TAF4: variants seen among roughly 807,000 people sequenced by gnomAD.
The protein encoded by TAF4 is transcription initiation factor TFIID subunit 4.
TAF4 carries 9 observed loss-of-function variants against 90.3 expected under a neutral mutation model. The ratio of observed to expected loss-of-function variants is 0.10; its 90% CI spans 0.06 to 0.17. The LOEUF (loss-of-function observed/expected upper bound fraction) is 0.17, where lower values mean the gene tolerates loss of function less well. TAF4 is among the 10% of genes least tolerant of loss of function. The pLI, the probability that TAF4 is intolerant of heterozygous loss-of-function variation, is 1.00. For missense variants in TAF4, 1,351 were observed against 1,370.7 expected (o/e 0.99, Z 0.23); for synonymous variants, 818 against 638.9 (o/e 1.28, Z -4.23).
intron 1 of TAF4, among the ~76,000 whole-genome samples, chr20:62,035,316 G>A (rs2055926333): frequency 6.6e-6 from 1 of 152,204 alleles, no homozygotes; most frequent in African/African-American, 2.4e-5. Flanking sequence ...GAATTAGTAT[G>A]GAGCTAAATT....
In TAF4 at chr20:61,982,461, C is replaced by G. The variant is rs114705276; in HGVS notation, c.3091-6126G>C. Among the ~76,000 whole-genome samples, 1,162 of 146,054 alleles carry G rather than the reference C, an allele frequency of 8.0e-3. 7 individuals are homozygous for G. Among genetic ancestry groups the G allele is most frequent in the South Asian group, 0.033 (146 of 4,448 alleles). Reference sequence around the variant, plus strand: ...CACCCACCCAAGAGGAAACACCAAACCCACACCCCACCCAAGAGGAGACAC... The same window carrying G: ...CACCCACCCAAGAGGAAACACCAAAGCCACACCCCACCCAAGAGGAGACAC... On this transcript the variant is annotated intron_variant, in intron 14 of 14. Transcript: ENST00000252996.
rs557849285 is a variant in TAF4 at position 62,064,413 on chromosome 20, G to A, written c.1360+38C>T. 4.9e-4 allele frequency: 625 copies of A among 1,282,648 alleles called. 5 individuals carry two copies. In the African/African-American group the frequency reaches 8.4e-3, roughly 17 times the overall value. 79.5% of individuals were successfully genotyped at this position (1,282,648 alleles called of 1,614,324 possible). A position where few individuals can be genotyped will look rare whatever the true frequency, so the allele number is the denominator to read the frequency against. On this transcript the variant is annotated intron_variant, in intron 1 of 14. Transcript: ENST00000252996. ...CTGGAACTGGCAGCTGGCGCTGCTG[G>A]GAGCCGCCCTTCCCTCCCGCCCCGT...
chr20:62,014,013 GGTGTGGGTGTGTGT>G (rs1392604871), intron 2 of TAF4, among the ~76,000 whole-genome samples: 1 of 122,418 alleles, frequency 8.2e-6, no homozygotes, highest in African/African-American at 4.1e-5. Flanking sequence ...CTGACGCGGG[GGTGTGGGTGTGTGT>G]GTGTGTGTGT....
chr20:62,060,152 T>C (rs968929188), intron 1 of TAF4, among the ~76,000 whole-genome samples: 1 of 152,218 alleles, frequency 6.6e-6, no homozygotes, highest in Admixed American at 6.5e-5. Context: ...GGGGCAGTCC[T>C]GGAAGCCAGG....
chr20:61,985,946 CCACCATCCCCGACCAAAGGAAG>C lies in TAF4; in HGVS notation c.3091-9633_3091-9612del, dbSNP rs1164385073. On this transcript the variant is annotated intron_variant, in intron 14 of 14. Transcript: ENST00000252996. ...GAAGCACCATCCCCGACCAAAGGAACCACCATCCCCGACCAAAGGAAGCACCATCCCCAATCAAAGGAAATAC... is the reference window on the plus strand; with the variant it reads ...GAAGCACCATCCCCGACCAAAGGAACCACCATCCCCAATCAAAGGAAATAC... 5.6e-4 allele frequency among the ~76,000 whole-genome samples: 62 copies of C among 111,038 alleles called. 1 individual carries two copies. Among genetic ancestry groups the C allele is most frequent in the African/African-American group, 2.0e-3 (57 of 28,022 alleles). The allele number at this position is 111,038 out of a possible 152,430, so 72.8% of individuals were successfully genotyped here. A position where few individuals can be genotyped will look rare whatever the true frequency, so the allele number is the denominator to read the frequency against.
At chr20:61,997,941 T>C (rs555519266) in intron 13 of TAF4, among the ~76,000 whole-genome samples, 195 bp downstream of exon 13, 1 of 152,358 alleles carries the variant, frequency 6.6e-6, no homozygotes, top group South Asian at 2.1e-4. Context: ...CACCGTTGAA[T>C]TTAAAAGTAG....
rs1332674343 is a variant in TAF4, at chr20:62,009,921, C to A, written c.1761+125G>T. 4.0e-6 allele frequency: 6 copies of A among 1,485,446 alleles called. No homozygotes were observed. The African/African-American group carries it at 8.3e-5, about 21-fold the overall frequency. 92.0% of individuals were successfully genotyped at this position (1,485,446 alleles called of 1,614,324 possible). A position where few individuals can be genotyped will look rare whatever the true frequency, so the allele number is the denominator to read the frequency against. On this transcript the variant is annotated intron_variant, in intron 4 of 14. Transcript: ENST00000252996. ...GCTCACGTGGGCCCCAGACTGTTCA[C>A]TGCTTTGTGAAGCAAGCAGTGAGCG...
chr20:61,996,920 G>A (rs1172098950), intron 14 of TAF4, among the ~76,000 whole-genome samples: 2 of 152,162 alleles, frequency 1.3e-5, no homozygotes, highest in East Asian at 1.9e-4. Flanking sequence ...AAGCCAAAAG[G>A]AAATGGTGGC....
chr20:61,992,557 G>C (rs2055637958), intron 14 of TAF4, among the ~76,000 whole-genome samples: 1 of 151,212 alleles, frequency 6.6e-6, no homozygotes, highest in Non-Finnish European at 1.5e-5. Flanking sequence ...CTACACCTCT[G>C]AATTTGAACT....
chr20:61,982,072 A>C (rs2055546781), intron 14 of TAF4, among the ~76,000 whole-genome samples: 1 of 89,168 alleles, frequency 1.1e-5, no homozygotes, highest in African/African-American at 4.3e-5. Flanking sequence ...CCCACACCCC[A>C]CCCGAGAGGA....
At chr20:61,983,981 C>T (rs989898057) in intron 14 of TAF4, among the ~76,000 whole-genome samples, 12 of 152,134 alleles carry the variant, frequency 7.9e-5, no homozygotes, top group Admixed American at 2.6e-4. Context: ...AGATATGACA[C>T]GTGGATATTT....
intron 1 of TAF4, among the ~76,000 whole-genome samples, chr20:62,062,322 G>A (rs778883629): frequency 6.6e-6 from 1 of 152,092 alleles, no homozygotes. Context: ...TTTGCAATTT[G>A]CCATTCTGAT....
chr20:62,024,177 A>G (rs1220710481), intron 1 of TAF4, among the ~76,000 whole-genome samples: 2 of 152,206 alleles, frequency 1.3e-5, no homozygotes, highest in African/African-American at 4.8e-5. Context: ...ACGCGGATGG[A>G]CAAAGGCAAT....
At chr20:62,042,868 G>A (rs541708317) in intron 1 of TAF4, among the ~76,000 whole-genome samples, 6 of 144,062 alleles carry the variant, frequency 4.2e-5, no homozygotes, top group Non-Finnish European at 7.5e-5. Flanking sequence ...TAGGGATGAC[G>A]GCTCCATGTG....
chr20:62,039,107 T>C (rs182199937), intron 1 of TAF4, among the ~76,000 whole-genome samples: 11 of 152,214 alleles, frequency 7.2e-5, no homozygotes, highest in East Asian at 3.9e-4. Context: ...TTTGTAGAAG[T>C]TGACGAACTG....
intron 7 of TAF4, chr20:62,005,528 G>C (rs1178232602): frequency 1.3e-5 from 2 of 152,284 alleles, no homozygotes; most frequent in African/African-American, 4.8e-5. Context: ...CCACTGACTA[G>C]TGAACAGGGA....
chr20:62,017,688 A>C (rs2055820127), intron 1 of TAF4, among the ~76,000 whole-genome samples: 1 of 152,240 alleles, frequency 6.6e-6, no homozygotes, highest in South Asian at 2.1e-4. Flanking sequence ...CATCCAAAAA[A>C]TTAGCCAGGT....
Position 62,065,190 on chromosome 20 carries a change from C to T in TAF4, c.621G>A (p.Ser207=), listed in dbSNP as rs2056120349. Residue 207 remains serine, a synonymous_variant, in exon 1 of 15, where the codon TCG becomes TCA. Transcript: ENST00000252996. ...TGACAGCAGGTGCGGCGGCGTGGTG[C>T]GAGTTCAGCAGCGCGGCGCTCCCAT... The part of the protein sequence containing the change: ...TLNGSAALLN[S]HHAAAPAVSL... 1 of 1,201,634 alleles carries T rather than the reference C, an allele frequency of 8.3e-7. No individual in the cohort carries two copies. Among genetic ancestry groups the T allele is most frequent in the Non-Finnish European group, 1.1e-6 (1 of 945,130 alleles). The allele number at this position is 1,201,634 out of a possible 1,614,324, so 74.4% of individuals were successfully genotyped here.
At chr20:61,998,670 GACA>G (rs1255305477) in intron 12 of TAF4, among the ~76,000 whole-genome samples, 1 of 152,144 alleles carries the variant, frequency 6.6e-6, no homozygotes, top group Non-Finnish European at 1.5e-5. Context: ...CTAGAACAAG[GACA>G]ACGTGAGTGT....
Sources: gnomAD v4.1 joint callset for allele counts (sites outside exome capture counted in the v4.1 genomes callset) on GRCh38, gnomAD v4.1.1 for gene constraint, MANE v1.5 for transcripts, NCBI Gene and HGNC (gene_info 2026-07-23, HGNC 2026-07-21) for gene names.